The following SMARCC1 variants were observed in gnomAD, a reference collection of about 807,000 sequenced individuals.
SMARCC1 encodes the protein SWI/SNF related BAF chromatin remodeling complex subunit C1, also known as SWI/SNF complex subunit SMARCC1.
SMARCC1 carries 43 observed loss-of-function variants against 147.4 expected under a neutral mutation model. The observed-to-expected ratio is 0.29, with a 90% CI of 0.23 to 0.38. The LOEUF is 0.38. Ranked by LOEUF, SMARCC1 falls within the 10% of genes least tolerant of loss-of-function variation. The pLI is 1.00. For synonymous variants in SMARCC1, 495 were observed against 484.4 expected (o/e 1.02, Z -0.29); for missense variants, 1,119 against 1,381.1 (o/e 0.81, Z 3.01).
chr3:47,609,427 G>A (rs952221427), intron 26 of SMARCC1, among the ~76,000 whole-genome samples: 1 of 152,056 alleles, frequency 6.6e-6, no homozygotes, highest in East Asian at 1.9e-4. Flanking sequence ...AACCCAGGAG[G>A]CGGAGCTTGC....
intron 11 of SMARCC1, 124 bp from the exon 12 acceptor site, chr3:47,693,424 C>T: frequency 1.6e-6 from 1 of 622,626 alleles, no homozygotes; most frequent in South Asian, 1.9e-5. Context: ...CCATTCAATA[C>T]ACTTTCAGGT....
chr3:47,670,835 G>A, intron 18 of SMARCC1, 118 bp from the exon 19 acceptor site: 1 of 708,902 alleles, frequency 1.4e-6, no homozygotes, highest in Non-Finnish European at 2.6e-6. Flanking sequence ...GTAAGTCTTT[G>A]ACTAACAGGA....
At chr3:47,779,071 G>A in intron 1 of SMARCC1, among the ~76,000 whole-genome samples, 1 of 151,754 alleles carries the variant, frequency 6.6e-6, no homozygotes, top group South Asian at 2.1e-4. Context: ...ATTTAGGACT[G>A]CTATGAGGAC....
At chr3:47,708,685 CAGT>C (rs2034047262) in intron 9 of SMARCC1, among the ~76,000 whole-genome samples, 2 of 151,932 alleles carry the variant, frequency 1.3e-5, no homozygotes, top group Non-Finnish European at 2.9e-5. Context: ...CACCATAAGA[CAGT>C]GGTGGAAAAA....
In SMARCC1 at chr3:47,670,698, C is replaced by G; in HGVS notation, c.1859G>C (p.Gly620Ala). The change falls in exon 19 of 28, where the codon GGA becomes GCA. Residue 620 changes from glycine to alanine, a missense_variant. By Grantham distance (60) the Gly-to-Ala change is moderately conservative (BLOSUM62 0). This residue lies in a region of SMARCC1 where 178 missense variants were observed against 264.6 expected (regional missense o/e 0.67). Coordinates refer to ENST00000254480, the MANE Select transcript of SMARCC1 (RefSeq NM_003074.4). ...GGTCTCCTGTTCAGTCCATTCTCTTCCAGCACTAGCACCTTTACTCTAAGG... is the reference window on the plus strand; with the variant it reads ...GGTCTCCTGTTCAGTCCATTCTCTTGCAGCACTAGCACCTTTACTCTAAGG... ...TLAKSKGASA[G>A]REWTEQETLL... is the part of the protein sequence containing the mutation. 6.3e-7 allele frequency: 1 copy of G among 1,596,702 alleles called. No homozygotes were observed. Among genetic ancestry groups the G allele is most frequent in the Non-Finnish European group, 8.6e-7 (1 of 1,163,868 alleles).
In SMARCC1 at chr3:47,661,400, G is replaced by C. The variant is rs754242972; in HGVS notation, c.2214C>G (p.Val738=). The C allele has an allele frequency of 4.3e-6, 7 of 1,613,198 alleles. No homozygotes were observed. The South Asian group carries it at 7.7e-5, about 18-fold the overall frequency. Residue 738 remains valine (V), a synonymous_variant, in exon 21 of 28, where the codon GTC becomes GTG. Coordinates refer to ENST00000254480, the MANE Select transcript of SMARCC1 (RefSeq NM_003074.4). ...EVPLELVEAH[V]KKVQEAARAS... is the part of the protein sequence containing the mutation. ...CTCGTGCTGCTTCTTGTACTTTCTT[G>C]ACATGAGCTTCAACCAATTCCAGTG... is the stretch of plus-strand genomic sequence containing the variant.
intron 2 of SMARCC1, among the ~76,000 whole-genome samples, chr3:47,748,955 G>A (rs1410227140): frequency 6.6e-6 from 1 of 151,032 alleles, no homozygotes; most frequent in Non-Finnish European, 1.5e-5. Context: ...GGATCACTTG[G>A]GCCCAAGAGT....
chr3:47,680,214 CCT>C (rs2033625900), intron 15 of SMARCC1: 1 of 436,220 alleles, frequency 2.3e-6, no homozygotes, highest in Admixed American at 4.2e-5. Flanking sequence ...AGAGTGAGAC[CCT>C]GTCTCAAACA....
intron 4 of SMARCC1, among the ~76,000 whole-genome samples, chr3:47,737,393 T>C (rs576840607): frequency 6.6e-6 from 1 of 152,210 alleles, no homozygotes; most frequent in South Asian, 2.1e-4. Flanking sequence ...AGTGAGACCC[T>C]GTCTCAAAGA....
intron 6 of SMARCC1, 124 bp from the exon 7 acceptor site, chr3:47,720,859 G>A (rs951932508): frequency 3.9e-6 from 3 of 771,654 alleles, no homozygotes; most frequent in African/African-American, 3.5e-5. Flanking sequence ...CGAACATGCT[G>A]TTGCTGGTTT....
At chr3:47,683,868 A>G (rs910842294) in intron 14 of SMARCC1, among the ~76,000 whole-genome samples, 6 of 152,242 alleles carry the variant, frequency 3.9e-5, no homozygotes, top group Non-Finnish European at 4.4e-5. Context: ...AAAAACAACA[A>G]CAACAAAACA....
At chr3:47,664,221 G>A (rs570117964) in intron 19 of SMARCC1, among the ~76,000 whole-genome samples, 80 of 145,798 alleles carry the variant, frequency 5.5e-4, no homozygotes, top group Admixed American at 4.0e-3. Flanking sequence ...AGCATAATGA[G>A]ATACTTAGGA....
In SMARCC1 at chr3:47,781,823, C is replaced by T. The variant is rs1471514065; in HGVS notation, c.-26G>A. The T allele has an allele frequency of 9.0e-6, 12 of 1,339,978 alleles. No individual in the cohort carries two copies. Among genetic ancestry groups the T allele is most frequent in the Non-Finnish European group, 1.1e-5 (11 of 1,046,664 alleles). 83.0% of individuals were successfully genotyped at this position (1,339,978 alleles called of 1,614,324 possible). A position where few individuals can be genotyped will look rare whatever the true frequency, so the allele number is the denominator to read the frequency against. On this transcript the variant is annotated 5_prime_UTR_variant, in exon 1 of 28. Coordinates refer to ENST00000254480, the MANE Select transcript of SMARCC1 (RefSeq NM_003074.4). ...CGTCGCAGCCCGTCGTCCCCACAGC[C>T]TGGCCCACCCCGGCCCTCGCGGTGT...
chr3:47,703,693 G>A (rs967817571), intron 10 of SMARCC1, among the ~76,000 whole-genome samples: 6 of 152,200 alleles, frequency 3.9e-5, no homozygotes, highest in African/African-American at 1.2e-4. Flanking sequence ...GAGTTCTACA[G>A]TGCAGAGCGA....
At chr3:47,656,930 A>G (rs2033269898) in intron 21 of SMARCC1, among the ~76,000 whole-genome samples, 1 of 152,160 alleles carries the variant, frequency 6.6e-6, no homozygotes, top group South Asian at 2.1e-4. Context: ...AACAACAACA[A>G]CAACAACAAC....
At chr3:47,730,612 T>A (rs1212247221) in intron 5 of SMARCC1, among the ~76,000 whole-genome samples, 1 of 152,140 alleles carries the variant, frequency 6.6e-6, no homozygotes, top group Non-Finnish European at 1.5e-5. Flanking sequence ...ACGCCTGTAA[T>A]CCCAGCAGTT....
chr3:47,709,523 T>C (rs535404952), intron 9 of SMARCC1, among the ~76,000 whole-genome samples: 2 of 151,550 alleles, frequency 1.3e-5, no homozygotes, highest in South Asian at 4.2e-4. Flanking sequence ...CCGTTTCTAC[T>C]AAAAATACAA....
At chr3:47,657,256 A>G (rs897063758) in intron 21 of SMARCC1, among the ~76,000 whole-genome samples, 1 of 152,246 alleles carries the variant, frequency 6.6e-6, no homozygotes, top group Non-Finnish European at 1.5e-5. Context: ...CTATCCAATA[A>G]GAGCAGAAAA....
intron 7 of SMARCC1, among the ~76,000 whole-genome samples, chr3:47,717,676 G>A (rs1348101836): frequency 5.3e-5 from 8 of 152,020 alleles, no homozygotes; most frequent in Non-Finnish European, 7.4e-5. Context: ...TAATCCTCCT[G>A]CCTCAGCCCC....
Sources: allele counts gnomAD v4.1 joint callset (sites outside exome capture counted in the v4.1 genomes callset), GRCh38; gene constraint gnomAD v4.1.1; regional missense constraint gnomAD v4.1.1; transcripts MANE v1.5; gene names NCBI Gene and HGNC (gene_info 2026-07-23, HGNC 2026-07-21).